TRNT1: variants seen among roughly 807,000 people sequenced by gnomAD.
The protein encoded by TRNT1 is tRNA nucleotidyl transferase 1.
A neutral mutation model predicts 45.6 loss-of-function variants in TRNT1; 44 were observed. The observed-to-expected ratio is 0.97, with a 90% CI of 0.76 to 1.24. The LOEUF is 1.24. Ranked by LOEUF, TRNT1 falls within the 50% of genes most tolerant of loss-of-function variation. The pLI, the probability that TRNT1 is intolerant of heterozygous loss-of-function variation, is 0.00. For missense variants in TRNT1, 633 were observed against 504.4 expected (o/e 1.25, Z -2.44); for synonymous variants, 201 against 171.4 (o/e 1.17, Z -1.35).
chr3:3,129,592 A>T (rs1215133368), intron 2 of TRNT1: 7 of 477,872 alleles, frequency 1.5e-5, no homozygotes, highest in Non-Finnish European at 2.7e-5. Context: ...AAAAAAAGAG[A>T]AAGGAATATT....
At chr3:3,132,563 G>A (rs2126008675) in intron 2 of TRNT1, among the ~76,000 whole-genome samples, 1 of 87,804 alleles carries the variant, frequency 1.1e-5, no homozygotes, top group East Asian at 3.5e-4. Context: ...GGATAGCATT[G>A]GGAGATATAC....
At chr3:3,134,805 A>G (rs1575045723) in intron 2 of TRNT1, among the ~76,000 whole-genome samples, 1 of 152,134 alleles carries the variant, frequency 6.6e-6, no homozygotes, top group African/African-American at 2.4e-5. Context: ...TACCCTGAGA[A>G]GTGGGGAGAC....
rs1233701431 is a variant in TRNT1, at chr3:3,140,627, A to C, written c.460A>C (p.Thr154Pro). Residue 154 changes from threonine to proline, a missense_variant, in exon 4 of 8, where the codon ACT (threonine) becomes CCT (proline). By Grantham distance (38) the Thr-to-Pro change is conservative. Coordinates refer to ENST00000251607, the MANE Select transcript of TRNT1 (RefSeq NM_182916.3). ...WQKDAERRDL[T>P]INSMFLGFDG... ...GAAAGATGCGGAACGCAGAGATCTC[A>C]CTATAAATTCTATGTTTTTAGGTAA... 6.2e-7 allele frequency: 1 copy of C among 1,614,098 alleles called. No homozygotes were observed. The highest frequency in any genetic ancestry group is 8.5e-7 in the Non-Finnish European group (1 of 1,179,986).
At chr3:3,140,342 A>C (rs535650696) in intron 3 of TRNT1, among the ~76,000 whole-genome samples, 168 bp from the exon 4 acceptor site, 1 of 152,146 alleles carries the variant, frequency 6.6e-6, no homozygotes, top group Admixed American at 6.5e-5. Flanking sequence ...AATAATGTGG[A>C]TATCTTTCTG....
At chr3:3,141,747 G>C (rs1462763060) in intron 4 of TRNT1, among the ~76,000 whole-genome samples, 1 of 152,180 alleles carries the variant, frequency 6.6e-6, no homozygotes, top group Admixed American at 6.5e-5. Flanking sequence ...TGTAGCAATA[G>C]TAGTGGTAAA....
intron 3 of TRNT1, among the ~76,000 whole-genome samples, chr3:3,138,124 T>C (rs1242396913): frequency 6.6e-6 from 1 of 152,230 alleles, no homozygotes; most frequent in Non-Finnish European, 1.5e-5. Context: ...AGGAATTTCC[T>C]TGGCCTCTCT....
At chr3:3,151,094 A>C (rs773105013), downstream of TRNT1, 58 of 1,588,562 alleles carry the variant, frequency 3.7e-5, 1 homozygote, top group African/African-American at 4.2e-4. Context: ...TCTGTACTCC[A>C]AGCCTATCAT....
At chr3:3,128,883 C>A in intron 1 of TRNT1, 131 bp from the exon 2 acceptor site, 1 of 698,634 alleles carries the variant, frequency 1.4e-6, no homozygotes, top group South Asian at 2.1e-5. Flanking sequence ...AAACTGACAC[C>A]GTTTTCAGTT....
chr3:3,146,589 C>G lies in TRNT1; in HGVS notation c.768C>G (p.His256Gln). The change falls in exon 6 of 8, where the codon CAC becomes CAG. Residue 256 changes from histidine to glutamine, a missense_variant. Transcript: ENST00000251607. ...LVGNHVNHLI[H>Q]LIYDLDVAPY... ...GTAACCATGTAAATCATTTGATTCA[C>G]CTTATCTATGATCTTGATGTGGCTC... 2 of 1,613,338 alleles carry G rather than the reference C, an allele frequency of 1.2e-6. No homozygotes were observed. The highest frequency in any genetic ancestry group is 1.7e-6 in the Non-Finnish European group (2 of 1,179,634).
chr3:3,150,566 G>T, downstream of TRNT1: 4 of 224,434 alleles, frequency 1.8e-5, no homozygotes, highest in South Asian at 7.2e-5. Context: ...TTCCAAAGAT[G>T]TCTTCATGTC....
Position 3,131,527 on chromosome 3 carries a change from A to G in TRNT1, c.148+2339A>G, listed in dbSNP as rs184626934. 139 of 151,586 alleles carry G rather than the reference A, an allele frequency of 9.2e-4. 1 individual carries two copies. Among genetic ancestry groups the G allele is most frequent in the African/African-American group, 3.2e-3 (132 of 41,376 alleles). 9.4% of individuals were successfully genotyped at this position (151,586 alleles called of 1,614,324 possible). Reference sequence around the variant, plus strand: ...CTTCCTTACACCTTATACAAAAATCAATTCAAGATGGATTAAAGATTTAAA... The same window carrying G: ...CTTCCTTACACCTTATACAAAAATCGATTCAAGATGGATTAAAGATTTAAA... On this transcript the variant is annotated intron_variant, in intron 2 of 7. Coordinates refer to ENST00000251607, the MANE Select transcript of TRNT1 (RefSeq NM_182916.3).
intron 2 of TRNT1, chr3:3,131,351 T>C (rs1052973157): frequency 2.6e-5 from 4 of 152,206 alleles, no homozygotes; most frequent in Admixed American, 1.3e-4. Context: ...TAATTAACTC[T>C]TGATGGCCTA....
downstream of TRNT1, chr3:3,152,944 G>GTTGA (rs1575079962): frequency 6.4e-6 from 2 of 313,452 alleles, no homozygotes; most frequent in East Asian, 1.5e-4. Flanking sequence ...TTTTGGGGCA[G>GTTGA]TTGATTATTT....
chr3:3,137,449 C>A lies in TRNT1; in HGVS notation c.338C>A (p.Ala113Asp). 1 of 1,596,418 alleles carries A rather than the reference C, an allele frequency of 6.3e-7. No individual in the cohort carries two copies. Among genetic ancestry groups the A allele is most frequent in the South Asian group, 1.1e-5 (1 of 87,248 alleles). The change falls in exon 3 of 8, where the codon GCC becomes GAC. Residue 113 changes from alanine to aspartate, a missense_variant. Coordinates refer to ENST00000251607, the MANE Select transcript of TRNT1 (RefSeq NM_182916.3). Reference sequence around the variant, plus strand: ...GGAGAAAAGCACGGAACAATTACTGCCAGGGTGAGTCAAAAGTTTGACAGG... The same window carrying A: ...GGAGAAAAGCACGGAACAATTACTGACAGGGTGAGTCAAAAGTTTGACAGG... Reference protein sequence around the residue: ...NRGEKHGTITARLHEENFEIT... With the variant: ...NRGEKHGTITDRLHEENFEIT...
chr3:3,147,978 G>C lies in TRNT1; in HGVS notation c.1129G>C (p.Glu377Gln). ...KYQGEHCLLKEMQQWSIPPFP... is the reference protein window; with the variant it reads ...KYQGEHCLLKQMQQWSIPPFP... ...CCAAGGAGAGCACTGTCTCCTAAAG[G>C]AAATGCAGCAGTGGTCCATTCCTCC... The change falls in exon 8 of 8, where the codon GAA (glutamate) becomes CAA (glutamine). Residue 377 changes from glutamate to glutamine, a missense_variant. Glu to Gln is a conservative substitution (Grantham distance 29). Coordinates refer to ENST00000251607, the MANE Select transcript of TRNT1 (RefSeq NM_182916.3). The C allele has an allele frequency of 6.2e-7, 1 of 1,613,972 alleles. No homozygotes were observed. Among genetic ancestry groups the C allele is most frequent in the South Asian group, 1.1e-5 (1 of 91,070 alleles).
chr3:3,147,757 A>G (rs750676939), intron 7 of TRNT1, 54 bp downstream of exon 7: 138 of 1,538,164 alleles, frequency 9.0e-5, no homozygotes, highest in Admixed American at 3.7e-4. Flanking sequence ...CGAATTTAGA[A>G]TTAATTTATT....
chr3:3,141,663 A>G (rs796300184), intron 4 of TRNT1, among the ~76,000 whole-genome samples: 43 of 152,338 alleles, frequency 2.8e-4, no homozygotes, highest in African/African-American at 9.9e-4. Context: ...TGTACTTTAA[A>G]GTTAAGACAA....
intron 6 of TRNT1, 65 bp from the exon 7 acceptor site, chr3:3,147,385 G>C (rs1706113659): frequency 1.9e-6 from 3 of 1,575,142 alleles, no homozygotes; most frequent in Non-Finnish European, 8.6e-7. Flanking sequence ...TGGTGGCAAG[G>C]TTTAGGATAT....
intron 4 of TRNT1, chr3:3,140,850 A>T: frequency 2.2e-6 from 1 of 456,262 alleles, no homozygotes; most frequent in Non-Finnish European, 3.9e-6. Context: ...TGGGAGGCCA[A>T]GGCAGGCGGA....
Sources: gnomAD v4.1 joint callset for allele counts (sites outside exome capture counted in the v4.1 genomes callset) on GRCh38, gnomAD v4.1.1 for gene constraint, MANE v1.5 for transcripts, NCBI Gene and HGNC (gene_info 2026-07-23, HGNC 2026-07-21) for gene names.